The following TMEM266 variants were observed in gnomAD, a reference collection of about 807,000 sequenced individuals.
TMEM266 encodes transmembrane protein 266.
TMEM266 carries 33 observed loss-of-function variants against 50.5 expected under a neutral mutation model. The ratio of observed to expected loss-of-function variants is 0.65; its 90% CI spans 0.50 to 0.87. The LOEUF (loss-of-function observed/expected upper bound fraction) is 0.87, where lower values mean the gene tolerates loss of function less well. Among genes scored for constraint, TMEM266 ranks in the 40% least tolerant of loss-of-function variants. TMEM266 has a pLI of 0.00. For missense variants in TMEM266, 655 were observed against 695.1 expected, an observed-to-expected ratio of 0.94 and a Z score of 0.65; for synonymous variants, 310 against 292.3, an observed-to-expected ratio of 1.06 and a Z score of -0.62.
intron 9 of TMEM266, among the ~76,000 whole-genome samples, chr15:76,197,916 C>T (rs536446547): frequency 1.3e-5 from 2 of 152,340 alleles, no homozygotes; most frequent in South Asian, 2.1e-4. Flanking sequence ...GGGGTAAAAC[C>T]CACATAATGA....
At chr15:76,061,641 T>C (rs1171868646) in intron 1 of TMEM266, among the ~76,000 whole-genome samples, 1 of 152,232 alleles carries the variant, frequency 6.6e-6, no homozygotes, top group African/African-American at 2.4e-5. Context: ...CAGTATGGAA[T>C]TTTTTGAGGT....
chr15:76,164,666 A>AT (rs1213227055), intron 5 of TMEM266, among the ~76,000 whole-genome samples: 1 of 152,202 alleles, frequency 6.6e-6, no homozygotes, highest in Admixed American at 6.5e-5. Flanking sequence ...CCAAGAGCAG[A>AT]TCTGCTTCTT....
chr15:76,194,957 G>C (rs938633990), intron 9 of TMEM266, among the ~76,000 whole-genome samples: 3 of 152,130 alleles, frequency 2.0e-5, no homozygotes, highest in African/African-American at 7.2e-5. Flanking sequence ...GACCCCTGAC[G>C]ATCTTGCCCC....
At chr15:76,086,199 G>A (rs1053508753) in intron 1 of TMEM266, among the ~76,000 whole-genome samples, 1 of 152,194 alleles carries the variant, frequency 6.6e-6, no homozygotes, top group African/African-American at 2.4e-5. Flanking sequence ...GCATAAAGGA[G>A]CAAACTACTC....
intron 1 of TMEM266, among the ~76,000 whole-genome samples, chr15:76,090,677 AAGTGTCCACGG>A (rs1456374503): frequency 6.6e-6 from 1 of 152,064 alleles, no homozygotes; most frequent in East Asian, 1.9e-4. Context: ...GTAGGGTTAA[AAGTGTCCACGG>A]GATTTGGGAG....
At chr15:76,126,570 C>T (rs992657013) in intron 1 of TMEM266, among the ~76,000 whole-genome samples, 8 of 150,950 alleles carry the variant, frequency 5.3e-5, no homozygotes, top group Admixed American at 3.3e-4. Flanking sequence ...CTCACTCTGT[C>T]GCCCAGGCTG....
At chr15:76,141,522 A>C (rs2037678015) in intron 3 of TMEM266, among the ~76,000 whole-genome samples, 1 of 152,176 alleles carries the variant, frequency 6.6e-6, no homozygotes, top group African/African-American at 2.4e-5. Flanking sequence ...TACAGGCGTG[A>C]GCCACAGTGC....
chr15:76,090,010 G>C (rs1697441594), intron 1 of TMEM266, among the ~76,000 whole-genome samples: 1 of 152,182 alleles, frequency 6.6e-6, no homozygotes, highest in African/African-American at 2.4e-5. Context: ...CCTTTGGATG[G>C]AGGTAAGATA....
chr15:76,203,166 G>A (rs1053612336), intron 10 of TMEM266, among the ~76,000 whole-genome samples: 2 of 141,288 alleles, frequency 1.4e-5, no homozygotes, highest in Admixed American at 7.0e-5. Context: ...ATCCCACCCC[G>A]CAGCCCCCAC....
intron 8 of TMEM266, among the ~76,000 whole-genome samples, chr15:76,187,089 C>T (rs1049591805): frequency 3.9e-5 from 6 of 152,232 alleles, no homozygotes; most frequent in African/African-American, 9.6e-5. Flanking sequence ...ATTTTCATTC[C>T]AAAACCTGTA....
intron 1 of TMEM266, among the ~76,000 whole-genome samples, chr15:76,117,774 C>T (rs766366964): frequency 2.5e-4 from 38 of 152,082 alleles, no homozygotes; most frequent in Non-Finnish European, 5.1e-4. Context: ...GAGACTGGAA[C>T]GAACTGATGC....
chr15:76,120,758 C>CA (rs60694791), intron 1 of TMEM266, among the ~76,000 whole-genome samples: 4,032 of 57,118 alleles, frequency 0.071, 297 homozygotes, highest in African/African-American at 0.19. Flanking sequence ...AAGACTGTCT[C>CA]AAAAAAAAAA....
chr15:76,110,590 T>A (rs1031354404), intron 1 of TMEM266, among the ~76,000 whole-genome samples: 8 of 152,208 alleles, frequency 5.3e-5, no homozygotes, highest in Non-Finnish European at 8.8e-5. Context: ...AGACATGGAC[T>A]GCCAAACAGG....
At chr15:76,157,952 C>T (rs2037952100) in intron 4 of TMEM266, among the ~76,000 whole-genome samples, 1 of 152,148 alleles carries the variant, frequency 6.6e-6, no homozygotes, top group Admixed American at 6.5e-5. Flanking sequence ...CACGCCACTG[C>T]ACTCCAGCCT....
In TMEM266 at chr15:76,203,804, C is replaced by T. The variant is rs373557591; in HGVS notation, c.1085C>T (p.Pro362Leu). ...ACGGCCGCAATAGACATTCACCAGC[C>T]CAACATCTCCTCGGACCTCTTCTCT... The change falls in exon 11 of 11, where the codon CCC (proline) becomes CTC (leucine). Residue 362 changes from proline (P) to leucine (L), a missense_variant. This residue lies in a region of TMEM266 where 455 missense variants were observed against 401.8 expected (regional missense o/e 1.13). Coordinates refer to ENST00000388942, the MANE Select transcript of TMEM266 (RefSeq NM_152335.3). 6.8e-6 allele frequency: 11 copies of T among 1,614,078 alleles called. No homozygotes were observed. Among genetic ancestry groups the T allele is most frequent in the South Asian group, 1.1e-5 (1 of 91,088 alleles).
intron 1 of TMEM266, among the ~76,000 whole-genome samples, chr15:76,094,306 A>C (rs1478713356): frequency 6.6e-6 from 1 of 152,042 alleles, no homozygotes; most frequent in Non-Finnish European, 1.5e-5. Context: ...GGTGTAAGGA[A>C]GGGGTCCAGT....
Position 76,203,893 on chromosome 15 carries a change from A to G in TMEM266, c.1174A>G (p.Ser392Gly), listed in dbSNP as rs1198113887. 1 of 1,614,102 alleles carries G rather than the reference A, an allele frequency of 6.2e-7. No homozygotes were observed. Among genetic ancestry groups the G allele is most frequent in the Admixed American group, 1.7e-5 (1 of 60,028 alleles). Residue 392 changes from serine (S) to glycine (G), a missense_variant, in exon 11 of 11, where the codon AGC (serine) becomes GGC (glycine). Ser to Gly is a moderately conservative substitution (Grantham distance 56). This residue lies in a region of TMEM266 where 455 missense variants were observed against 401.8 expected (regional missense o/e 1.13). Coordinates refer to ENST00000388942, the MANE Select transcript of TMEM266 (RefSeq NM_152335.3). ...CGCCACCTCGGAGAGTGCCTCCCGC[A>G]GCTCAGTCACCCGGGCCCAGAGTGA... is the stretch of plus-strand genomic sequence containing the variant.
At chr15:76,140,504 T>C (rs1223860262) in intron 3 of TMEM266, among the ~76,000 whole-genome samples, 1 of 152,188 alleles carries the variant, frequency 6.6e-6, no homozygotes, top group Non-Finnish European at 1.5e-5. Flanking sequence ...GTGTTATGTA[T>C]AGGAATGAAC....
chr15:76,185,182 T>C (rs1156371862), intron 8 of TMEM266, among the ~76,000 whole-genome samples: 2 of 152,210 alleles, frequency 1.3e-5, no homozygotes, highest in African/African-American at 4.8e-5. Flanking sequence ...TTTGGGAAGT[T>C]CTTGGCCATG....
Sources: allele counts gnomAD v4.1 joint callset (sites outside exome capture counted in the v4.1 genomes callset), GRCh38; gene constraint gnomAD v4.1.1; regional missense constraint gnomAD v4.1.1; transcripts MANE v1.5; gene names NCBI Gene and HGNC (gene_info 2026-07-23, HGNC 2026-07-21).